The following PLCB4 variants were observed in gnomAD, a reference collection of about 807,000 sequenced individuals.
PLCB4 encodes the protein phospholipase C beta 4, also known as 1-phosphatidylinositol 4,5-bisphosphate phosphodiesterase beta-4.
A neutral mutation model predicts 178.8 loss-of-function variants in PLCB4; 77 were observed. That is an observed-to-expected ratio of 0.43 (90% confidence interval 0.36 to 0.52). The LOEUF is 0.52. Ranked by LOEUF, PLCB4 falls within the 20% of genes least tolerant of loss-of-function variation. PLCB4 has a pLI of 0.00. For missense variants in PLCB4, 1,024 were observed against 1,453.4 expected (o/e 0.70, Z 4.80); for synonymous variants, 496 against 490.8 (o/e 1.01, Z -0.14).
chr20:9,275,327 T>G (rs2094441489), intron 3 of PLCB4, among the ~76,000 whole-genome samples: 1 of 152,044 alleles, frequency 6.6e-6, no homozygotes, highest in Non-Finnish European at 1.5e-5. Context: ...CTGACTCCCA[T>G]GATTCAGTTA....
At chr20:9,351,647 C>T (rs977788656) in intron 7 of PLCB4, among the ~76,000 whole-genome samples, 5 of 152,150 alleles carry the variant, frequency 3.3e-5, no homozygotes, top group Admixed American at 6.5e-5. Context: ...TCAAGCCCAC[C>T]GATTTAGATT....
intron 30 of PLCB4, among the ~76,000 whole-genome samples, chr20:9,441,734 C>T (rs535675398): frequency 4.6e-5 from 7 of 152,208 alleles, no homozygotes; most frequent in South Asian, 4.2e-4. Context: ...GATAAATTCT[C>T]GGCATTCAGA....
chr20:9,306,438 C>T (rs1000134919), intron 3 of PLCB4, among the ~76,000 whole-genome samples: 2 of 152,000 alleles, frequency 1.3e-5, no homozygotes, highest in African/African-American at 4.8e-5. Flanking sequence ...TTTAAGAATC[C>T]CTTGGCTCAA....
At chr20:9,438,255 G>A (rs886650817) in intron 30 of PLCB4, among the ~76,000 whole-genome samples, 2 of 151,908 alleles carry the variant, frequency 1.3e-5, no homozygotes, top group African/African-American at 4.8e-5. Context: ...AGTCCCAGCT[G>A]CTCAGGAGGC....
At chr20:9,116,480 C>A (rs2146721336) in intron 2 of PLCB4, among the ~76,000 whole-genome samples, 1 of 152,214 alleles carries the variant, frequency 6.6e-6, no homozygotes, top group African/African-American at 2.4e-5. Context: ...ATTAGTTTTG[C>A]CTCACCTATC....
intron 4 of PLCB4, among the ~76,000 whole-genome samples, chr20:9,316,307 G>C (rs1398798036): frequency 2.0e-5 from 3 of 152,120 alleles, no homozygotes; most frequent in Admixed American, 1.3e-4. Flanking sequence ...AAGGAAGTCC[G>C]GTGCACACTT....
intron 35 of PLCB4, among the ~76,000 whole-genome samples, chr20:9,467,378 G>T (rs2043864349): frequency 6.6e-6 from 1 of 152,142 alleles, no homozygotes; most frequent in Non-Finnish European, 1.5e-5. Flanking sequence ...GTATACCTAT[G>T]TATCAATCCT....
intron 21 of PLCB4, 85 bp downstream of exon 21, chr20:9,405,433 AAAATGATT>A (rs2039366114): frequency 2.6e-6 from 2 of 780,296 alleles, no homozygotes; most frequent in African/African-American, 3.6e-5. Context: ...TTGTGGTGAA[AAAATGATT>A]AAATCCTGAT....
rs542204314 is a variant in PLCB4 at position 9,167,343 on chromosome 20, CT to C, written c.-78-50040del. On this transcript the variant is annotated intron_variant, in intron 2 of 39. Transcript: ENST00000378473. The stretch of plus-strand genomic sequence containing the variant: ...GTGATAAAGCACAGATGATGTTAAA[CT>C]TTTTTTATAAGGCATAAATTTTAAA... Among the ~76,000 whole-genome samples, 377 of 152,018 alleles carry C rather than the reference CT, an allele frequency of 2.5e-3. 1 individual carries two copies. The highest frequency in any genetic ancestry group is 8.3e-3 in the African/African-American group (345 of 41,464).
chr20:9,457,851 C>T (rs577584342), intron 34 of PLCB4, among the ~76,000 whole-genome samples: 30 of 152,110 alleles, frequency 2.0e-4, no homozygotes, highest in African/African-American at 2.9e-4. Context: ...GACAGAAAAC[C>T]GCCCAAATTG....
At chr20:9,108,626 G>A (rs922972639) in intron 2 of PLCB4, among the ~76,000 whole-genome samples, 3 of 150,892 alleles carry the variant, frequency 2.0e-5, no homozygotes, top group Non-Finnish European at 4.4e-5. Context: ...AATTCAAAAG[G>A]AACAAGATCT....
intron 3 of PLCB4, among the ~76,000 whole-genome samples, chr20:9,303,051 G>A (rs144163397): frequency 8.5e-5 from 13 of 152,150 alleles, no homozygotes; most frequent in Admixed American, 2.0e-4. Flanking sequence ...TGGCCACCAT[G>A]TTGTTTTTTA....
At chr20:9,187,060 C>A (rs1204187085) in intron 2 of PLCB4, among the ~76,000 whole-genome samples, 1 of 152,058 alleles carries the variant, frequency 6.6e-6, no homozygotes, top group Non-Finnish European at 1.5e-5. Context: ...CTGCAAACTT[C>A]ACCTTCTGGG....
chr20:9,253,388 T>G (rs2094200945), intron 3 of PLCB4, among the ~76,000 whole-genome samples: 1 of 152,148 alleles, frequency 6.6e-6, no homozygotes. Flanking sequence ...GTTCTCCAGG[T>G]AGCAAACAAG....
intron 2 of PLCB4, among the ~76,000 whole-genome samples, chr20:9,204,469 C>A (rs1288374590): frequency 6.6e-6 from 1 of 152,070 alleles, no homozygotes; most frequent in Non-Finnish European, 1.5e-5. Flanking sequence ...AAGTGATTCT[C>A]CTGTCTCAAC....
intron 3 of PLCB4, among the ~76,000 whole-genome samples, chr20:9,275,527 G>A (rs983941424): frequency 6.6e-6 from 1 of 152,018 alleles, no homozygotes; most frequent in African/African-American, 2.4e-5. Flanking sequence ...AAATGGTAGA[G>A]CCAGAACTCC....
At chr20:9,138,054 C>CAG (rs1344298127) in intron 2 of PLCB4, among the ~76,000 whole-genome samples, 1 of 152,002 alleles carries the variant, frequency 6.6e-6, no homozygotes, top group African/African-American at 2.4e-5. Context: ...CAAGAAAAGG[C>CAG]AGAGAGGTTA....
chr20:9,171,631 A>G (rs2093065639), intron 2 of PLCB4, among the ~76,000 whole-genome samples: 3 of 152,330 alleles, frequency 2.0e-5, no homozygotes, highest in African/African-American at 7.2e-5. Context: ...CAAAAAAATA[A>G]CTCAGAGAGC....
chr20:9,263,412 C>G (rs765838308), intron 3 of PLCB4, among the ~76,000 whole-genome samples: 3 of 152,098 alleles, frequency 2.0e-5, no homozygotes, highest in Non-Finnish European at 4.4e-5. Flanking sequence ...ATATCTAGTC[C>G]CTTGCTATTG....
Sources: allele counts gnomAD v4.1 joint callset (sites outside exome capture counted in the v4.1 genomes callset), GRCh38; gene constraint gnomAD v4.1.1; transcripts MANE v1.5; gene names NCBI Gene and HGNC (gene_info 2026-07-23, HGNC 2026-07-21).